BTG4: variants seen among roughly 807,000 people sequenced by gnomAD.
BTG4 encodes BTG anti-proliferation factor 4, also known as protein BTG4.
A neutral mutation model predicts 19.3 loss-of-function variants in BTG4; 10 were observed. The ratio of observed to expected loss-of-function variants is 0.52; its 90% CI spans 0.32 to 0.88. The LOEUF is 0.88. BTG4 is among the 40% of genes least tolerant of loss of function. The pLI is 0.04. For synonymous variants in BTG4, 91 were observed against 95.7 expected (o/e 0.95, Z 0.29); for missense variants, 238 against 281.9 (o/e 0.84, Z 1.11).
the BTG4 span, chr11:111,459,789 A>C: frequency 6.5e-6 from 1 of 152,682 alleles, no homozygotes; most frequent in African/African-American, 2.4e-5. Flanking sequence ...CGCTGATGGC[A>C]AAGGTAGGAG....
the BTG4 span, among the ~76,000 whole-genome samples, chr11:111,426,629 A>G: frequency 1.3e-5 from 2 of 151,840 alleles, no homozygotes; most frequent in Admixed American, 6.6e-5. Context: ...CAGTTTTCCC[A>G]TTGCTACCAG....
chr11:111,433,535 A>G, the BTG4 span, among the ~76,000 whole-genome samples: 1 of 152,230 alleles, frequency 6.6e-6, no homozygotes, highest in South Asian at 2.1e-4. Flanking sequence ...AATGACAACA[A>G]AAGCCAAAAT....
intron 1 of BTG4, among the ~76,000 whole-genome samples, chr11:111,502,671 A>G (rs946925956): frequency 1.5e-4 from 23 of 152,334 alleles, no homozygotes; most frequent in South Asian, 2.1e-4. Context: ...GTCAGTTTGC[A>G]TTTACAATAA....
the BTG4 span, among the ~76,000 whole-genome samples, chr11:111,453,743 T>C: frequency 1.3e-5 from 2 of 152,220 alleles, no homozygotes; most frequent in South Asian, 4.1e-4. Flanking sequence ...CTGTATGTCA[T>C]AACACTGCCG....
the BTG4 span, among the ~76,000 whole-genome samples, chr11:111,431,457 T>C: frequency 2.6e-5 from 4 of 152,296 alleles, no homozygotes; most frequent in South Asian, 8.3e-4. Context: ...CAGTAAATGA[T>C]AGAATTGGAA....
chr11:111,491,294 T>C (rs1485152310), downstream of BTG4, among the ~76,000 whole-genome samples: 1 of 152,248 alleles, frequency 6.6e-6, no homozygotes, highest in Non-Finnish European at 1.5e-5. Context: ...GGAAGTGTTC[T>C]GTATCTTGAC....
chr11:111,472,066 T>C (rs1201227696), intron 5 of BTG4, among the ~76,000 whole-genome samples: 2 of 152,244 alleles, frequency 1.3e-5, no homozygotes, highest in African/African-American at 4.8e-5. Flanking sequence ...TCCTTACTAA[T>C]GGCTTCCTCA....
chr11:111,412,710 G>A, the BTG4 span, among the ~76,000 whole-genome samples: 1 of 152,142 alleles, frequency 6.6e-6, no homozygotes, highest in Non-Finnish European at 1.5e-5. Flanking sequence ...TCCCAAAGAG[G>A]TTAAGTGACT....
the BTG4 span, chr11:111,449,918 C>T: frequency 6.6e-6 from 1 of 152,310 alleles, no homozygotes; most frequent in African/African-American, 2.4e-5. Flanking sequence ...TGAGGTCCTA[C>T]CTCATGCAGA....
upstream of BTG4, chr11:111,513,427 A>G (rs184604976): frequency 2.0e-4 from 108 of 534,402 alleles, 1 homozygote; most frequent in African/African-American, 1.4e-3. Context: ...TGAGACTGCA[A>G]TTTTTTCTAT....
the BTG4 span, among the ~76,000 whole-genome samples, chr11:111,410,299 C>T: frequency 2.0e-5 from 3 of 151,948 alleles, no homozygotes; most frequent in African/African-American, 4.8e-5. Flanking sequence ...AGACAGGGAT[C>T]TTACAATGTT....
At chr11:111,502,841 T>C (rs560594138) in intron 1 of BTG4, among the ~76,000 whole-genome samples, 2 of 152,232 alleles carry the variant, frequency 1.3e-5, no homozygotes, top group African/African-American at 4.8e-5. Context: ...TTGAAAGTTA[T>C]GAATAGAACA....
chr11:111,505,775 C>A (rs1436728909), intron 1 of BTG4, among the ~76,000 whole-genome samples: 1 of 151,948 alleles, frequency 6.6e-6, no homozygotes, highest in Admixed American at 6.6e-5. Flanking sequence ...TCAAACAACT[C>A]AACAAACATA....
intron 5 of BTG4, among the ~76,000 whole-genome samples, chr11:111,476,323 G>C (rs906776328): frequency 3.3e-5 from 5 of 152,100 alleles, no homozygotes; most frequent in Non-Finnish European, 7.4e-5. Context: ...TTTTAGCTCT[G>C]TAGGTCTTTT....
the BTG4 span, among the ~76,000 whole-genome samples, chr11:111,398,484 C>T: frequency 2.6e-5 from 4 of 151,946 alleles, no homozygotes; most frequent in Non-Finnish European, 2.9e-5. Context: ...GACAGAGTCT[C>T]GCTCTGTTGC....
At chr11:111,512,399 C>T (rs1040587328), upstream of BTG4, 14 of 151,918 alleles carry the variant, frequency 9.2e-5, no homozygotes, top group Non-Finnish European at 1.9e-4. Flanking sequence ...CCCCCCCATC[C>T]CCTCCCCCAC....
chr11:111,504,031 C>A (rs1243258589), intron 1 of BTG4, among the ~76,000 whole-genome samples: 1 of 152,058 alleles, frequency 6.6e-6, no homozygotes, highest in Non-Finnish European at 1.5e-5. Flanking sequence ...GATGTAATAA[C>A]CAGTCTTATC....
At chr11:111,489,255 T>C (rs1865264668) in intron 5 of BTG4, among the ~76,000 whole-genome samples, 1 of 151,964 alleles carries the variant, frequency 6.6e-6, no homozygotes, top group Admixed American at 6.6e-5. Flanking sequence ...CCCATCAAAA[T>C]GGCTTGCATC....
At chr11:111,485,542 T>C (rs1366867299) in intron 5 of BTG4, among the ~76,000 whole-genome samples, 1 of 152,026 alleles carries the variant, frequency 6.6e-6, no homozygotes, top group African/African-American at 2.4e-5. Context: ...AATATAAAAA[T>C]GTATTGAAAC....
Sources: gnomAD v4.1 joint callset for allele counts (sites outside exome capture counted in the v4.1 genomes callset) on GRCh38, gnomAD v4.1.1 for gene constraint, MANE v1.5 for transcripts, NCBI Gene and HGNC (gene_info 2026-07-23, HGNC 2026-07-21) for gene names.